The following DNAH1 variants were observed in gnomAD, a reference collection of about 807,000 sequenced individuals.
DNAH1 encodes the protein axonemal beta dynein heavy chain 1.
Under a neutral mutation model 484.3 loss-of-function variants are expected in DNAH1, and 327 were observed. That is an observed-to-expected ratio of 0.68 (90% confidence interval 0.62 to 0.74). The LOEUF is 0.74. Among genes scored for constraint, DNAH1 ranks in the 30% least tolerant of loss-of-function variants. DNAH1 has a pLI of 0.00. For missense variants in DNAH1, 5,052 were observed against 5,546.8 expected, an observed-to-expected ratio of 0.91 and a Z score of 2.83; for synonymous variants, 2,192 against 2,191.9, an observed-to-expected ratio of 1.00 and a Z score of 0.00.
chr3:52,377,646 A>G (rs1369699397), intron 46 of DNAH1, among the ~76,000 whole-genome samples: 2 of 151,932 alleles, frequency 1.3e-5, no homozygotes, highest in African/African-American at 4.8e-5. Context: ...GCTGGTCCTT[A>G]AGATGCCAGG....
rs1383199983 is a variant in DNAH1 at position 52,385,347 on chromosome 3, C to T, written c.8525C>T (p.Thr2842Ile). The T allele has an allele frequency of 3.2e-6, 5 of 1,552,222 alleles. No homozygotes were observed. The highest frequency in any genetic ancestry group is 2.0e-5 in the Admixed American group (1 of 51,034). Residue 2842 changes from threonine (T) to isoleucine (I), a missense_variant, in exon 54 of 78, where the codon ACT (threonine) becomes ATT (isoleucine). Coordinates refer to ENST00000420323, the MANE Select transcript of DNAH1 (RefSeq NM_015512.5). ...MKSGLDKLLR[T>I]SEDVAKMQED... ...TGCCCTGACCCCTAGCTGCTGCGCACTTCTGAGGATGTAGCCAAGATGCAG... is the reference window on the plus strand; with the variant it reads ...TGCCCTGACCCCTAGCTGCTGCGCATTTCTGAGGATGTAGCCAAGATGCAG...
In DNAH1 at chr3:52,362,916, G is replaced by A; in HGVS notation, c.5095-79G>A. 2.5e-6 allele frequency: 4 copies of A among 1,590,840 alleles called. No homozygotes were observed. Among genetic ancestry groups the A allele is most frequent in the South Asian group, 1.1e-5 (1 of 89,048 alleles). Reference sequence around the variant, plus strand: ...TGCAGCAGGGAGTCCCAGCGTGTTAGGGAGGAGGGCCGGATGAAGCTGGGG... The same window carrying A: ...TGCAGCAGGGAGTCCCAGCGTGTTAAGGAGGAGGGCCGGATGAAGCTGGGG... On this transcript the variant is annotated intron_variant, in intron 31 of 77. Transcript: ENST00000420323. This position sits in a 1 kb window ranked among gnomAD's most constrained non-coding sequence, Gnocchi z 5.1.
chr3:52,321,508 A>G (rs563254973), intron 1 of DNAH1: 2 of 151,622 alleles, frequency 1.3e-5, no homozygotes, highest in Admixed American at 1.3e-4. Flanking sequence ...TCTTCACCAT[A>G]CCCTTGTCCA....
chr3:52,341,461 A>G (rs1021770202), intron 8 of DNAH1, among the ~76,000 whole-genome samples: 2 of 150,970 alleles, frequency 1.3e-5, no homozygotes, highest in African/African-American at 4.9e-5. Flanking sequence ...CCTGTGGGAA[A>G]CTCTAGAGCA....
rs751130669 is a variant in DNAH1 at position 52,368,948 on chromosome 3, C to T, written c.5943+30C>T. 6.0e-5 allele frequency: 97 copies of T among 1,604,190 alleles called. No individual in the cohort carries two copies. The highest frequency in any genetic ancestry group is 7.7e-5 in the Non-Finnish European group (90 of 1,172,046). On this transcript the variant is annotated intron_variant, in intron 37 of 77. Coordinates refer to ENST00000420323, the MANE Select transcript of DNAH1 (RefSeq NM_015512.5). This position sits in a 1 kb window ranked among gnomAD's most constrained non-coding sequence, Gnocchi z 4.4. ...ACCTACCTGTCCACCTGCCCACTCTCCTCCAAGGCTGGGTGGGCCTGGAGG... is the reference window on the plus strand; with the variant it reads ...ACCTACCTGTCCACCTGCCCACTCTTCTCCAAGGCTGGGTGGGCCTGGAGG...
intron 3 of DNAH1, among the ~76,000 whole-genome samples, chr3:52,324,826 G>A (rs1443656704): frequency 6.6e-6 from 1 of 152,150 alleles, no homozygotes; most frequent in Non-Finnish European, 1.5e-5. Context: ...TTGGCAGATG[G>A]CAGCTCTACC....
chr3:52,396,334 G>T, intron 70 of DNAH1, 34 bp from the exon 71 acceptor site: 1 of 1,547,936 alleles, frequency 6.5e-7, no homozygotes, highest in Non-Finnish European at 8.7e-7. Flanking sequence ...ACCAGATATG[G>T]GTCTCAATGC....
At chr3:52,324,697 G>T (rs1701271878) in intron 3 of DNAH1, among the ~76,000 whole-genome samples, 2 of 152,304 alleles carry the variant, frequency 1.3e-5, no homozygotes, top group South Asian at 2.1e-4. Flanking sequence ...CTGGCCTATT[G>T]TTTCCAACAG....
rs767046926 is a variant in DNAH1 at position 52,356,711 on chromosome 3, G to A, written c.3791G>A (p.Ser1264Asn). ...EDINQQLPVE[S>N]KRYQTMERIW... is the part of the protein sequence containing the mutation. ...ATCAACCAGCAGCTGCCTGTGGAGAGCAAGCGCTACCAGACCATGGAGCGG... is the reference window on the plus strand; with the variant it reads ...ATCAACCAGCAGCTGCCTGTGGAGAACAAGCGCTACCAGACCATGGAGCGG... The change falls in exon 22 of 78, where the codon AGC (serine) becomes AAC (asparagine). Residue 1264 changes from serine (S) to asparagine (N), a missense_variant. Ser to Asn is a conservative substitution (Grantham distance 46, BLOSUM62 1). Coordinates refer to ENST00000420323, the MANE Select transcript of DNAH1 (RefSeq NM_015512.5). 6.2e-7 allele frequency: 1 copy of A among 1,613,928 alleles called. No individual in the cohort carries two copies. Among genetic ancestry groups the A allele is most frequent in the Non-Finnish European group, 8.5e-7 (1 of 1,179,874 alleles).
At position 52,358,062 on chromosome 3, in the gene DNAH1, C is replaced by T. The variant is rs910850934; in HGVS notation, c.4086+59C>T. 38 of 1,323,964 alleles carry T rather than the reference C, an allele frequency of 2.9e-5. No homozygotes were observed. In the African/African-American group the frequency reaches 2.9e-4, roughly 10 times the overall value. The allele number at this position is 1,323,964 out of a possible 1,614,324, so 82.0% of individuals were successfully genotyped here. A position where few individuals can be genotyped will look rare whatever the true frequency, so the allele number is the denominator to read the frequency against. On this transcript the variant is annotated intron_variant, in intron 24 of 77. Coordinates refer to ENST00000420323, the MANE Select transcript of DNAH1 (RefSeq NM_015512.5). This position sits in a 1 kb window ranked among gnomAD's most constrained non-coding sequence, Gnocchi z 4.2. The stretch of plus-strand genomic sequence containing the variant: ...GCATGGGGCATCTTCCCAGGGAGAA[C>T]GTCCCTCCCTTTGTGATGAGCCCTT...
At chr3:52,380,249 G>C (rs1224276713) in intron 48 of DNAH1, 114 bp downstream of exon 48, 5 of 932,396 alleles carry the variant, frequency 5.4e-6, no homozygotes, top group African/African-American at 1.7e-5. Context: ...TAACCAGGGG[G>C]CCAGGACGCG....
Position 52,366,851 on chromosome 3 carries a change from A to G in DNAH1, c.5729A>G (p.Gln1910Arg). The G allele has an allele frequency of 6.2e-7, 1 of 1,613,882 alleles. No individual in the cohort carries two copies. The highest frequency in any genetic ancestry group is 8.5e-7 in the Non-Finnish European group (1 of 1,179,816). ...VLNPKSITMG[Q>R]LYGEFDLLTH... Reference sequence around the variant, plus strand: ...AACCCCAAGTCCATCACGATGGGCCAGCTGTACGGGGAGTTTGACCTCCTC... The same window carrying G: ...AACCCCAAGTCCATCACGATGGGCCGGCTGTACGGGGAGTTTGACCTCCTC... Residue 1910 changes from glutamine (Q) to arginine (R), a missense_variant, in exon 36 of 78, where the codon CAG becomes CGG. Gln to Arg is a conservative substitution (Grantham distance 43). This residue lies in a region of DNAH1 where 2,929 missense variants were observed against 3,409.4 expected (regional missense o/e 0.86). Transcript: ENST00000420323.
At chr3:52,373,109 A>C in intron 44 of DNAH1, 56 bp downstream of exon 44, 2 of 1,530,832 alleles carry the variant, frequency 1.3e-6, no homozygotes, top group Non-Finnish European at 1.8e-6. Flanking sequence ...GTGCAGGGGC[A>C]CAGGAGGCAC....
In DNAH1 at chr3:52,384,856, G is replaced by A. The variant is rs747814703; in HGVS notation, c.8393G>A (p.Arg2798His). The change falls in exon 53 of 78, where the codon CGC becomes CAC. Residue 2798 changes from arginine (R) to histidine (H), a missense_variant. This residue lies in a region of DNAH1 where 2,929 missense variants were observed against 3,409.4 expected (regional missense o/e 0.86). Coordinates refer to ENST00000420323, the MANE Select transcript of DNAH1 (RefSeq NM_015512.5). ...ATCGAGTACCTGGCAGAGCTGACCC[G>A]CCACAACTATGTGACCCCCAAGAGC... ...KCIEYLAELT[R>H]HNYVTPKSYL... 2.5e-6 allele frequency: 4 copies of A among 1,611,836 alleles called. No homozygotes were observed. The highest frequency in any genetic ancestry group is 1.7e-5 in the Admixed American group (1 of 59,718).
rs756281031 is a variant in DNAH1, at chr3:52,366,550, T to A, written c.5610+2T>A. The stretch of plus-strand genomic sequence containing the variant: ...CCCACAGGCTCCGGCAAGAGTACTG[T>A]AAGCAGAGCCAAGCTTGGCAGCCAG... On this transcript the variant is annotated splice_donor_variant, in intron 35 of 77. Transcript: ENST00000420323. LOFTEE classifies it high-confidence loss of function. 6.3e-7 allele frequency: 1 copy of A among 1,589,268 alleles called. No homozygotes were observed. The highest frequency in any genetic ancestry group is 1.1e-5 in the South Asian group (1 of 87,254).
At chr3:52,370,452 C>T in intron 39 of DNAH1, 25 bp from the exon 40 acceptor site, 1 of 1,613,878 alleles carries the variant, frequency 6.2e-7, no homozygotes, top group Non-Finnish European at 8.5e-7. Flanking sequence ...CTGTCTCAGC[C>T]TGATACTGTT....
At chr3:52,340,988 C>A (rs1268461837) in intron 8 of DNAH1, among the ~76,000 whole-genome samples, 1 of 151,722 alleles carries the variant, frequency 6.6e-6, no homozygotes, top group Non-Finnish European at 1.5e-5. Flanking sequence ...CCCTTCCTTC[C>A]TTCCTTCCTT....
intron 46 of DNAH1, among the ~76,000 whole-genome samples, chr3:52,378,175 G>A (rs1001881817): frequency 1.3e-5 from 2 of 152,136 alleles, no homozygotes; most frequent in Non-Finnish European, 1.5e-5. Context: ...CCTCAAGGTC[G>A]GGGGTGTGCT....
At chr3:52,327,510 C>T (rs1323455251) in intron 5 of DNAH1, among the ~76,000 whole-genome samples, 1 of 152,134 alleles carries the variant, frequency 6.6e-6, no homozygotes, top group African/African-American at 2.4e-5. Flanking sequence ...CCCAGGAAAA[C>T]CCAAGGGCCA....
Sources: allele counts gnomAD v4.1 joint callset (sites outside exome capture counted in the v4.1 genomes callset), GRCh38; gene constraint gnomAD v4.1.1; regional missense constraint gnomAD v4.1.1; non-coding constraint Gnocchi (gnomAD v3.1); transcripts MANE v1.5; gene names NCBI Gene and HGNC (gene_info 2026-07-23, HGNC 2026-07-21).